The following BCL11A variants were observed in gnomAD, a reference collection of about 807,000 sequenced individuals.
BCL11A encodes the protein B cell CLL/lymphoma 11A.
A neutral mutation model predicts 55.9 loss-of-function variants in BCL11A; 2 were observed. That is an observed-to-expected ratio of 0.04 (90% CI 0.01 to 0.11). The LOEUF (loss-of-function observed/expected upper bound fraction) is 0.11. BCL11A is among the 10% of genes least tolerant of loss of function. The probability of loss-of-function intolerance (pLI) is 1.00; values close to 1 mark genes in which losing one functional copy is unlikely to be tolerated. For synonymous variants in BCL11A, 465 were observed against 473.4 expected (o/e 0.98, Z 0.23); for missense variants, 817 against 1,137.1 (o/e 0.72, Z 4.05).
chr2:60,549,821 G>C (rs1307487389), intron 1 of BCL11A: 1 of 152,300 alleles, frequency 6.6e-6, no homozygotes, highest in Non-Finnish European at 1.5e-5. Context: ...CGCGGGTCCT[G>C]AGATTCATTC....
chr2:60,519,331 G>A (rs1668870636), intron 2 of BCL11A, among the ~76,000 whole-genome samples: 2 of 152,162 alleles, frequency 1.3e-5, no homozygotes, highest in African/African-American at 2.4e-5. Context: ...CACCTGTCAG[G>A]TGCTGGGCCC....
At chr2:60,505,252 G>A (rs1383411753) in intron 2 of BCL11A, among the ~76,000 whole-genome samples, 1 of 152,228 alleles carries the variant, frequency 6.6e-6, no homozygotes, top group Non-Finnish European at 1.5e-5. Flanking sequence ...GAGGATCGGA[G>A]AGAAAAGAAG....
chr2:60,536,767 T>C (rs1465560759), intron 2 of BCL11A: 1 of 152,194 alleles, frequency 6.6e-6, no homozygotes. Context: ...CCTCTTTAAA[T>C]ACAATACCTA....
intron 2 of BCL11A, among the ~76,000 whole-genome samples, chr2:60,492,976 G>C (rs1202923703): frequency 6.6e-6 from 1 of 152,068 alleles, no homozygotes; most frequent in Non-Finnish European, 1.5e-5. Context: ...CCCCTTTGCT[G>C]TCAATCCCCT....
chr2:60,544,230 GCAA>G (rs1343405779), intron 2 of BCL11A: 2 of 152,160 alleles, frequency 1.3e-5, no homozygotes, highest in Non-Finnish European at 2.9e-5. Context: ...GTTACATCAC[GCAA>G]GTGTTACTCC....
At chr2:60,473,040 TATGTGTTTGTGAGC>T (rs1677297878) in intron 2 of BCL11A, among the ~76,000 whole-genome samples, 1 of 131,046 alleles carries the variant, frequency 7.6e-6, no homozygotes, top group Non-Finnish European at 1.9e-5. Context: ...TGTGCATGCA[TATGTGTTTGTGAGC>T]ATGTGCATGT....
At chr2:60,552,561 C>G (rs1409153377) in intron 1 of BCL11A, among the ~76,000 whole-genome samples, 4 of 152,210 alleles carry the variant, frequency 2.6e-5, no homozygotes, top group African/African-American at 4.8e-5. Flanking sequence ...TCCCACGGCT[C>G]TCCCCGTCGC....
At chr2:60,502,427 A>G (rs770510833) in intron 2 of BCL11A, among the ~76,000 whole-genome samples, 1 of 152,240 alleles carries the variant, frequency 6.6e-6, no homozygotes, top group Non-Finnish European at 1.5e-5. Context: ...TAACTTCTTC[A>G]TCAGATTCAG....
chr2:60,458,644 T>G lies in BCL11A; in HGVS notation c.*1760A>C, dbSNP rs1676061747. The G allele has an allele frequency of 4.8e-6, 5 of 1,032,916 alleles. No homozygotes were observed. The highest frequency in any genetic ancestry group is 5.8e-6 in the Non-Finnish European group (5 of 858,392). The allele number at this position is 1,032,916 out of a possible 1,614,324, so 64.0% of individuals were successfully genotyped here. A position where few individuals can be genotyped will look rare whatever the true frequency, so the allele number is the denominator to read the frequency against. On this transcript the variant is annotated 3_prime_UTR_variant, in exon 4 of 4. Coordinates refer to ENST00000642384, the MANE Select transcript of BCL11A (RefSeq NM_022893.4). Reference sequence around the variant, plus strand: ...TTTAAAAAATGCTCCTCAATGAGATTGTGTTCAATTTTTTTTCAGCATTCT... The same window carrying G: ...TTTAAAAAATGCTCCTCAATGAGATGGTGTTCAATTTTTTTTCAGCATTCT...
chr2:60,534,664 A>T (rs770797739), intron 2 of BCL11A: 1 of 152,254 alleles, frequency 6.6e-6, no homozygotes, highest in Non-Finnish European at 1.5e-5. Context: ...GATAAAACAT[A>T]TGTAATTACT....
intron 2 of BCL11A, among the ~76,000 whole-genome samples, chr2:60,520,688 T>A (rs979925551): frequency 2.0e-5 from 3 of 152,114 alleles, no homozygotes; most frequent in African/African-American, 7.2e-5. Flanking sequence ...AGAGTGAAGA[T>A]ATTTGCATCA....
At chr2:60,467,251 AATG>A (rs1301160455) in intron 3 of BCL11A, among the ~76,000 whole-genome samples, 1 of 15,168 alleles carries the variant, frequency 6.6e-5, no homozygotes. Context: ...TGGTGGTGGT[AATG>A]GTGGTGGTGG....
In BCL11A at chr2:60,544,868, G is replaced by A. The variant is rs1670078543; in HGVS notation, c.385+1103C>T. On this transcript the variant is annotated intron_variant, in intron 2 of 3. Transcript: ENST00000642384. ...CATGCTCAAGCAAAAAATGTTTTGA[G>A]GGTCACTATATAGTGTTACTGTTTA... 2.0e-5 allele frequency: 3 copies of A among 152,192 alleles called. No homozygotes were observed. In the South Asian group the frequency reaches 6.2e-4, roughly 31 times the overall value. 9.4% of individuals were successfully genotyped at this position (152,192 alleles called of 1,614,324 possible). A position where few individuals can be genotyped will look rare whatever the true frequency, so the allele number is the denominator to read the frequency against.
intron 1 of BCL11A, among the ~76,000 whole-genome samples, chr2:60,548,690 T>C (rs1426594996): frequency 2.6e-5 from 4 of 152,268 alleles, no homozygotes; most frequent in Non-Finnish European, 5.9e-5. Flanking sequence ...TATATTCTAA[T>C]GTATGAAATA....
chr2:60,463,014 T>G (rs1247387504), intron 3 of BCL11A, among the ~76,000 whole-genome samples: 1 of 152,160 alleles, frequency 6.6e-6, no homozygotes, highest in Non-Finnish European at 1.5e-5. Flanking sequence ...ACACACTAAT[T>G]GTTGATATTG....
chr2:60,515,258 G>A (rs949090411), intron 2 of BCL11A, among the ~76,000 whole-genome samples: 15 of 152,202 alleles, frequency 9.9e-5, no homozygotes, highest in African/African-American at 3.4e-4. Context: ...CCCCAGGGAG[G>A]AAGGGGGAAA....
intron 1 of BCL11A, chr2:60,550,861 C>T (rs1034662367): frequency 2.5e-6 from 1 of 398,676 alleles, no homozygotes; most frequent in Non-Finnish European, 4.4e-6. Flanking sequence ...TTCCTTCCCG[C>T]CGGTACCTGG....
chr2:60,457,836 A>T lies in BCL11A; in HGVS notation c.*2568T>A. On this transcript the variant is annotated 3_prime_UTR_variant, in exon 4 of 4. Transcript: ENST00000642384. ...TACAGTATGGCAGCAGGAAAAAGGAACAAAAAAGGATATGTACAACCCCTA... is the reference window on the plus strand; with the variant it reads ...TACAGTATGGCAGCAGGAAAAAGGATCAAAAAAGGATATGTACAACCCCTA... The T allele has an allele frequency of 9.5e-7, 1 of 1,050,452 alleles. No homozygotes were observed. Among genetic ancestry groups the T allele is most frequent in the South Asian group, 4.6e-5 (1 of 21,850 alleles). The allele number at this position is 1,050,452 out of a possible 1,614,324, so 65.1% of individuals were successfully genotyped here.
rs534959820 is a variant in BCL11A at position 60,515,052 on chromosome 2, C to T, written c.385+30919G>A. On this transcript the variant is annotated intron_variant, in intron 2 of 3. Transcript: ENST00000642384. ...CCAGAATGCCACTACCAGCTTCCCACACCTCCAGGGGACCCCCTAACTCCA... is the reference window on the plus strand; with the variant it reads ...CCAGAATGCCACTACCAGCTTCCCATACCTCCAGGGGACCCCCTAACTCCA... Among the ~76,000 whole-genome samples the T allele has an allele frequency of 9.2e-5, 14 of 152,246 alleles. No homozygotes were observed. In the South Asian group the frequency reaches 2.5e-3, roughly 27 times the overall value.
Sources: allele counts gnomAD v4.1 joint callset (sites outside exome capture counted in the v4.1 genomes callset), GRCh38; gene constraint gnomAD v4.1.1; transcripts MANE v1.5; gene names NCBI Gene and HGNC (gene_info 2026-07-23, HGNC 2026-07-21).